Variants in PTPN4 observed in about 807,000 individuals in gnomAD.
PTPN4 encodes the protein protein tyrosine phosphatase non-receptor type 4.
PTPN4 carries 49 observed loss-of-function variants against 135.5 expected under a neutral mutation model. That is an observed-to-expected ratio of 0.36 (90% CI 0.29 to 0.46). PTPN4 has a LOEUF of 0.46. Ranked by LOEUF, PTPN4 falls within the 20% of genes least tolerant of loss-of-function variation. The pLI, the probability that PTPN4 is intolerant of heterozygous loss-of-function variation, is 1.00. For synonymous variants in PTPN4, 333 were observed against 369.9 expected (o/e 0.90, Z 1.14); for missense variants, 860 against 1,101.0 (o/e 0.78, Z 3.10).
At position 119,927,284 on chromosome 2, in the gene PTPN4, G is replaced by A. The variant is rs566932661; in HGVS notation, c.1070+618G>A. Among the ~76,000 whole-genome samples the A allele has an allele frequency of 7.3e-4, 111 of 151,702 alleles. 1 individual carries two copies. Among genetic ancestry groups the A allele is most frequent in the African/African-American group, 2.6e-3 (107 of 41,388 alleles). ...GCCACCACACCTGGCTAATATTTTT[G>A]TATTTTTAGTAGAGATGGGGTTTAC... On this transcript the variant is annotated intron_variant, in intron 13 of 26. Transcript: ENST00000263708.
chr2:119,873,974 A>C (rs1398993937), intron 3 of PTPN4, among the ~76,000 whole-genome samples: 1 of 152,214 alleles, frequency 6.6e-6, no homozygotes, highest in Non-Finnish European at 1.5e-5. Flanking sequence ...AGAGACTTGA[A>C]AATGTATGTC....
chr2:119,860,053 T>A (rs1037079444), intron 2 of PTPN4, among the ~76,000 whole-genome samples: 1 of 152,224 alleles, frequency 6.6e-6, no homozygotes, highest in African/African-American at 2.4e-5. Flanking sequence ...ATGCAAGGTC[T>A]AGAGTCCAGA....
chr2:119,961,108 A>G (rs150580811), intron 23 of PTPN4, among the ~76,000 whole-genome samples, 155 bp downstream of exon 23: 1 of 152,330 alleles, frequency 6.6e-6, no homozygotes, highest in Non-Finnish European at 1.5e-5. Flanking sequence ...TAAGTGCATA[A>G]AACTGTGACT....
At chr2:119,789,706 T>C (rs963954263) in intron 1 of PTPN4, among the ~76,000 whole-genome samples, 2 of 152,144 alleles carry the variant, frequency 1.3e-5, no homozygotes, top group African/African-American at 4.8e-5. Context: ...TTTCCTAATT[T>C]CCTGTTAATA....
intron 15 of PTPN4, among the ~76,000 whole-genome samples, chr2:119,940,605 A>G (rs1679047044): frequency 1.3e-5 from 2 of 152,116 alleles, no homozygotes; most frequent in South Asian, 4.1e-4. Flanking sequence ...ACAGGTATAC[A>G]CCACCATCCC....
intron 1 of PTPN4, among the ~76,000 whole-genome samples, chr2:119,793,986 G>A (rs1691204525): frequency 6.7e-6 from 1 of 149,688 alleles, no homozygotes; most frequent in Admixed American, 6.7e-5. Flanking sequence ...TGGGATTACA[G>A]GTGCGTGCCA....
chr2:119,802,763 C>T (rs1438668199), intron 1 of PTPN4, among the ~76,000 whole-genome samples: 1 of 152,092 alleles, frequency 6.6e-6, no homozygotes, highest in Non-Finnish European at 1.5e-5. Context: ...ATTCTGCTTT[C>T]TGGAAGAGAT....
At chr2:119,840,184 G>A (rs1677359065) in intron 2 of PTPN4, among the ~76,000 whole-genome samples, 1 of 152,118 alleles carries the variant, frequency 6.6e-6, no homozygotes, top group African/African-American at 2.4e-5. Flanking sequence ...TGCCATGGTG[G>A]TTTGCTGCAC....
At chr2:119,970,518 A>G (rs752479022) in intron 26 of PTPN4, among the ~76,000 whole-genome samples, 2 of 151,838 alleles carry the variant, frequency 1.3e-5, no homozygotes, top group Non-Finnish European at 2.9e-5. Context: ...CTTTCTCTGT[A>G]GAGTTGCCTA....
chr2:119,942,719 A>G (rs548429545), intron 15 of PTPN4, among the ~76,000 whole-genome samples: 1 of 152,248 alleles, frequency 6.6e-6, no homozygotes, highest in Non-Finnish European at 1.5e-5. Context: ...ACTGCCTTTT[A>G]AAAATGTTGC....
At chr2:119,872,823 C>G (rs1378934643) in intron 3 of PTPN4, among the ~76,000 whole-genome samples, 1 of 152,098 alleles carries the variant, frequency 6.6e-6, no homozygotes, top group Non-Finnish European at 1.5e-5. Flanking sequence ...AAAAAGTATA[C>G]ATCTAAAACT....
chr2:119,793,846 G>GTTTTTTTTTTTTTTTTTTTT (rs55956611), intron 1 of PTPN4, among the ~76,000 whole-genome samples: 3 of 24,800 alleles, frequency 1.2e-4, no homozygotes, highest in East Asian at 1.7e-3. Context: ...TTCATTTTTA[G>GTTTTTTTTTTTTTTTTTTTT]TTTTTTTTTT....
chr2:119,938,272 C>T (rs924221578), intron 15 of PTPN4, among the ~76,000 whole-genome samples: 1 of 151,738 alleles, frequency 6.6e-6, no homozygotes, highest in Non-Finnish European at 1.5e-5. Context: ...GGACTACAGG[C>T]GCCCGTCACC....
Position 119,798,325 on chromosome 2 carries a change from C to G in PTPN4, c.-17-11512C>G, listed in dbSNP as rs190542081. 4.9e-4 allele frequency among the ~76,000 whole-genome samples: 75 copies of G among 152,174 alleles called. 1 individual carries two copies. The highest frequency in any genetic ancestry group is 4.8e-3 in the Admixed American group (74 of 15,276). On this transcript the variant is annotated intron_variant, in intron 1 of 26. Transcript: ENST00000263708. ...GGGATGACAGGCACCCGCCACCATG[C>G]CTGGCTAATTTTTGTATTTTTAGTA...
intron 19 of PTPN4, among the ~76,000 whole-genome samples, 186 bp from the exon 20 acceptor site, chr2:119,954,971 A>G (rs573519222): frequency 1.3e-5 from 2 of 152,156 alleles, no homozygotes; most frequent in African/African-American, 4.8e-5. Flanking sequence ...AAGGTACAGC[A>G]AAGCCCCTCA....
chr2:119,834,169 T>C (rs1677258673), intron 2 of PTPN4, among the ~76,000 whole-genome samples: 1 of 152,224 alleles, frequency 6.6e-6, no homozygotes, highest in African/African-American at 2.4e-5. Flanking sequence ...TTCTATGTGC[T>C]GGGAACATTT....
chr2:119,895,324 G>T (rs1402532166), intron 9 of PTPN4, among the ~76,000 whole-genome samples: 1 of 152,180 alleles, frequency 6.6e-6, no homozygotes, highest in African/African-American at 2.4e-5. Flanking sequence ...TAGTAGAGAG[G>T]TCAGAACATT....
chr2:119,803,388 A>C (rs1458843462), intron 1 of PTPN4, among the ~76,000 whole-genome samples: 2 of 152,060 alleles, frequency 1.3e-5, no homozygotes, highest in Non-Finnish European at 2.9e-5. Flanking sequence ...ATTTTTATTC[A>C]ATCAGTGTAT....
At chr2:119,839,604 C>G (rs1006666004) in intron 2 of PTPN4, among the ~76,000 whole-genome samples, 4 of 152,112 alleles carry the variant, frequency 2.6e-5, no homozygotes, top group African/African-American at 7.2e-5. Flanking sequence ...AAACTGCAAG[C>G]AGGCAACCAA....
Sources: allele counts gnomAD v4.1 joint callset (sites outside exome capture counted in the v4.1 genomes callset), GRCh38; gene constraint gnomAD v4.1.1; transcripts MANE v1.5; gene names NCBI Gene and HGNC (gene_info 2026-07-23, HGNC 2026-07-21).